The following SLC14A2 variants were observed in gnomAD, a reference collection of about 807,000 sequenced individuals.
The protein encoded by SLC14A2 is solute carrier family 14 member 2, also known as urea transporter 2.
Under a neutral mutation model 104.6 loss-of-function variants are expected in SLC14A2, and 91 were observed. That is an observed-to-expected ratio of 0.87 (90% confidence interval 0.73 to 1.04). The LOEUF is 1.04. SLC14A2 is among the 50% of genes least tolerant of loss of function. The probability of loss-of-function intolerance (pLI) is 0.00; values close to 1 mark genes in which losing one functional copy is unlikely to be tolerated. For synonymous variants in SLC14A2, 476 were observed against 466.4 expected (o/e 1.02, Z -0.27); for missense variants, 1,189 against 1,156.0 (o/e 1.03, Z -0.41).
rs561720053 is a variant in SLC14A2 at position 45,617,557 on chromosome 18, T to C, written c.-35+1975T>C. Among the ~76,000 whole-genome samples, 38 of 152,294 alleles carry C rather than the reference T, an allele frequency of 2.5e-4. No homozygotes were observed. In the South Asian group the frequency reaches 6.6e-3, roughly 27 times the overall value. On this transcript the variant is annotated intron_variant, in intron 1 of 19. Transcript: ENST00000255226. ...TAAAAGCCGGCACTCAGCCAGGCTC[T>C]TATACAACCCAGCCCTGAGTAAGGC...
Position 45,632,350 on chromosome 18 carries a change from G to C in SLC14A2, c.522G>C (p.Arg174Ser). The change falls in exon 5 of 20, where the codon AGG becomes AGC. Residue 174 changes from arginine to serine, a missense_variant and splice_region_variant. Arg to Ser is a moderately radical substitution (Grantham distance 110, BLOSUM62 -1). Coordinates refer to ENST00000255226, the MANE Select transcript of SLC14A2 (RefSeq NM_007163.4). ...TLTALALGQD[R>S]SAIASGLHGY... ...CAAAATCAGTCTGTTTCACCGCCAG[G>C]TCTGCCATTGCCTCAGGACTCCATG... 6.2e-7 allele frequency: 1 copy of C among 1,610,784 alleles called. No homozygotes were observed.
In SLC14A2 at chr18:45,522,432, C is replaced by T. The variant is rs147990027; in HGVS notation, c.-35+39110C>T. Among the ~76,000 whole-genome samples the T allele has an allele frequency of 1.6e-3, 245 of 152,242 alleles. 1 individual carries two copies. The highest frequency in any genetic ancestry group is 5.6e-3 in the African/African-American group (233 of 41,532). On this transcript the variant is annotated intron_variant, in intron 2 of 20. Coordinates refer to the SLC14A2 transcript ENST00000586448. ...AGTTTGAGCCCTGCCATCCCCAGAG[C>T]GGCAGCTTCCCGGCACCATCCCTCA...
At chr18:45,421,882 G>T (rs1461677439) in intron 1 of SLC14A2, among the ~76,000 whole-genome samples, 1 of 152,208 alleles carries the variant, frequency 6.6e-6, no homozygotes, top group Non-Finnish European at 1.5e-5. Flanking sequence ...GGACAAAAGT[G>T]CATCAGCACT....
chr18:45,597,072 C>A (rs139629278), intron 2 of SLC14A2, among the ~76,000 whole-genome samples: 1 of 152,192 alleles, frequency 6.6e-6, no homozygotes, highest in African/African-American at 2.4e-5. Context: ...CATGCCAGCA[C>A]GTTGGGAGGC....
At chr18:45,460,005 A>G (rs747946827) in intron 1 of SLC14A2, among the ~76,000 whole-genome samples, 39 of 152,108 alleles carry the variant, frequency 2.6e-4, no homozygotes, top group African/African-American at 9.2e-4. Flanking sequence ...TCCAGGTCCA[A>G]TCTTTTTGGT....
intron 18 of SLC14A2, among the ~76,000 whole-genome samples, chr18:45,675,709 ATTTT>A (rs71177687): frequency 0.16 from 12,111 of 77,714 alleles, 1,104 homozygotes; most frequent in South Asian, 0.31. Flanking sequence ...ATATATATAT[ATTTT>A]TTTTTTTTTT....
rs764155552 is a variant in SLC14A2 at position 45,666,151 on chromosome 18, G to A, written c.1489G>A (p.Glu497Lys). Residue 497 changes from glutamate to lysine, a missense_variant, in exon 12 of 20, where the codon GAA (glutamate) becomes AAA (lysine). Glu to Lys is a moderately conservative substitution (Grantham distance 56). Transcript: ENST00000255226. Reference sequence around the variant, plus strand: ...TCTAACTCCAGTGTTTGGAAAAGGCGAACACCAGGAAAGACAAAACAAAGA... The same window carrying A: ...TCTAACTCCAGTGTTTGGAAAAGGCAAACACCAGGAAAGACAAAACAAAGA... The part of the protein sequence containing the change: ...RRRSKVFGKG[E>K]HQERQNKDPF... 8.1e-6 allele frequency: 13 copies of A among 1,613,400 alleles called. No homozygotes were observed. The highest frequency in any genetic ancestry group is 7.7e-5 in the South Asian group (7 of 91,074).
intron 2 of SLC14A2, among the ~76,000 whole-genome samples, chr18:45,502,433 G>T (rs1424132131): frequency 2.0e-5 from 3 of 152,184 alleles, no homozygotes; most frequent in Non-Finnish European, 2.9e-5. Context: ...GTAGGTGTTT[G>T]GTTGGACTCA....
chr18:45,301,155 G>A lies in SLC14A2; in HGVS notation c.-125+87964G>A, dbSNP rs529810909. Among the ~76,000 whole-genome samples the A allele has an allele frequency of 2.0e-5, 3 of 152,318 alleles. No individual in the cohort carries two copies. The South Asian group carries it at 6.2e-4, about 32-fold the overall frequency. On this transcript the variant is annotated intron_variant, in intron 1 of 20. Transcript: ENST00000586448. ...TATAAAGCATCTTCACTAGTAATGTGGGCAGGGTGATTAACAGCATTCCAC... is the reference window on the plus strand; with the variant it reads ...TATAAAGCATCTTCACTAGTAATGTAGGCAGGGTGATTAACAGCATTCCAC...
At chr18:45,375,095 C>G (rs1380248872) in intron 1 of SLC14A2, among the ~76,000 whole-genome samples, 1 of 152,172 alleles carries the variant, frequency 6.6e-6, no homozygotes, top group Non-Finnish European at 1.5e-5. Context: ...TTAAGCTGTC[C>G]TTGTTGCTTC....
At chr18:45,555,732 T>C (rs963649601) in intron 2 of SLC14A2, among the ~76,000 whole-genome samples, 4 of 152,218 alleles carry the variant, frequency 2.6e-5, no homozygotes, top group African/African-American at 9.6e-5. Flanking sequence ...TTTTCTCCAT[T>C]TGGCTGCTTA....
At chr18:45,593,495 T>C (rs926850178) in intron 2 of SLC14A2, among the ~76,000 whole-genome samples, 17 of 133,108 alleles carry the variant, frequency 1.3e-4, no homozygotes, top group African/African-American at 4.8e-4. Flanking sequence ...TCTTTTTTTT[T>C]TTTTTTTTTT....
chr18:45,524,660 C>T (rs150330639), intron 2 of SLC14A2, among the ~76,000 whole-genome samples: 126 of 152,296 alleles, frequency 8.3e-4, no homozygotes, highest in African/African-American at 2.9e-3. Flanking sequence ...TAGTTCAGGG[C>T]TCATTTAGAG....
chr18:45,594,760 T>A (rs909161717), intron 2 of SLC14A2, among the ~76,000 whole-genome samples: 2 of 152,174 alleles, frequency 1.3e-5, no homozygotes, highest in African/African-American at 4.8e-5. Flanking sequence ...TCTGGAACTC[T>A]TGGAAACAAG....
chr18:45,289,170 A>G (rs531389475), intron 1 of SLC14A2, among the ~76,000 whole-genome samples: 4 of 152,238 alleles, frequency 2.6e-5, no homozygotes, highest in Admixed American at 2.0e-4. Flanking sequence ...ATTTGCTTTA[A>G]TTATTATATC....
At chr18:45,178,387 A>T in the SLC14A2 span, among the ~76,000 whole-genome samples, 7 of 149,948 alleles carry the variant, frequency 4.7e-5, no homozygotes, top group East Asian at 3.9e-4. Flanking sequence ...GAGTAAGATT[A>T]AAAAAATGCA....
At chr18:45,233,745 C>T (rs1568112588) in intron 1 of SLC14A2, among the ~76,000 whole-genome samples, 1 of 146,530 alleles carries the variant, frequency 6.8e-6, no homozygotes, top group African/African-American at 2.5e-5. Flanking sequence ...ATCACTTTCC[C>T]GCCCCACCCC....
intron 2 of SLC14A2, among the ~76,000 whole-genome samples, chr18:45,514,304 T>G (rs148956061): frequency 2.0e-5 from 3 of 152,228 alleles, no homozygotes; most frequent in Admixed American, 6.5e-5. Flanking sequence ...GGGAGAGAGA[T>G]AGCATGCAAA....
chr18:45,263,640 G>C (rs2084562024), intron 1 of SLC14A2, among the ~76,000 whole-genome samples: 1 of 152,148 alleles, frequency 6.6e-6, no homozygotes, highest in African/African-American at 2.4e-5. Context: ...CTGGAAGGAA[G>C]AGCTGTTGTT....
Sources: allele counts gnomAD v4.1 joint callset (sites outside exome capture counted in the v4.1 genomes callset), GRCh38; gene constraint gnomAD v4.1.1; transcripts MANE v1.5; gene names NCBI Gene and HGNC (gene_info 2026-07-23, HGNC 2026-07-21).